C2orf76: variants seen among roughly 807,000 people sequenced by gnomAD.
C2orf76 encodes UPF0538 protein C2orf76.
In C2orf76, 23 loss-of-function variants were observed where a neutral mutation model predicts 16.9. The observed-to-expected ratio is 1.36, with a 90% CI of 0.98 to 1.93. C2orf76 has a LOEUF of 1.93. Ranked by LOEUF, C2orf76 falls within the 30% of genes most tolerant of loss-of-function variation. C2orf76 has a pLI of 0.00. For synonymous variants in C2orf76, 48 were observed against 52.3 expected (o/e 0.92, Z 0.35); for missense variants, 152 against 152.6 (o/e 1.00, Z 0.02).
chr2:119,366,461 G>C (rs768953543), intron 1 of C2orf76: 10 of 471,698 alleles, frequency 2.1e-5, no homozygotes, highest in Non-Finnish European at 4.0e-5. Flanking sequence ...AGAAGCCTCG[G>C]CTTCGCCTTT....
chr2:119,312,193 G>C (rs1056437900), intron 4 of C2orf76, among the ~76,000 whole-genome samples: 3 of 152,188 alleles, frequency 2.0e-5, no homozygotes, highest in African/African-American at 7.2e-5. Context: ...CAGCGACAGA[G>C]CTGAGCTTCC....
chr2:119,281,133 A>G, the C2orf76 span, among the ~76,000 whole-genome samples: 1 of 152,050 alleles, frequency 6.6e-6, no homozygotes, highest in Non-Finnish European at 1.5e-5. Flanking sequence ...TTTTAACTTA[A>G]TTTTATTTTT....
At chr2:119,356,374 G>A (rs1680569579) in intron 1 of C2orf76, among the ~76,000 whole-genome samples, 1 of 148,002 alleles carries the variant, frequency 6.8e-6, no homozygotes, top group Non-Finnish European at 1.5e-5. Context: ...TCCAGCCTGG[G>A]TGACAGAGCG....
At chr2:119,312,855 G>A (rs1001557556) in intron 4 of C2orf76, among the ~76,000 whole-genome samples, 6 of 151,672 alleles carry the variant, frequency 4.0e-5, no homozygotes, top group African/African-American at 9.7e-5. Context: ...GTAAAACCCC[G>A]TCTCTATTAA....
chr2:119,290,454 A>G, the C2orf76 span, among the ~76,000 whole-genome samples: 1 of 152,132 alleles, frequency 6.6e-6, no homozygotes, highest in East Asian at 1.9e-4. Flanking sequence ...GGTATAAAAG[A>G]AAAAGAAGGA....
intron 4 of C2orf76, among the ~76,000 whole-genome samples, chr2:119,316,503 C>T (rs1249037973): frequency 6.6e-6 from 1 of 152,142 alleles, no homozygotes; most frequent in African/African-American, 2.4e-5. Flanking sequence ...TTTTAAATAA[C>T]ATAAATTTTA....
At chr2:119,290,330 C>T in the C2orf76 span, among the ~76,000 whole-genome samples, 2 of 152,006 alleles carry the variant, frequency 1.3e-5, no homozygotes, top group Admixed American at 1.3e-4. Flanking sequence ...AACCGGCTCA[C>T]GACCTTTCAA....
chr2:119,357,577 A>G (rs1558798690), intron 1 of C2orf76, among the ~76,000 whole-genome samples: 2 of 150,246 alleles, frequency 1.3e-5, no homozygotes, highest in South Asian at 4.2e-4. Context: ...TTTGATAAAG[A>G]GCATCTACAA....
intron 2 of C2orf76, among the ~76,000 whole-genome samples, chr2:119,332,694 C>T (rs909915979): frequency 1.3e-5 from 2 of 152,160 alleles, no homozygotes; most frequent in Non-Finnish European, 2.9e-5. Context: ...GTTTTACTCT[C>T]GTTCCAAAGA....
At chr2:119,359,676 T>G (rs1182178608) in intron 1 of C2orf76, among the ~76,000 whole-genome samples, 1 of 152,174 alleles carries the variant, frequency 6.6e-6, no homozygotes, top group African/African-American at 2.4e-5. Flanking sequence ...GAACTAGAAG[T>G]GAAGCCTTAA....
At chr2:119,314,018 T>G (rs1175983618) in intron 4 of C2orf76, among the ~76,000 whole-genome samples, 2 of 147,796 alleles carry the variant, frequency 1.4e-5, no homozygotes, top group South Asian at 2.2e-4. Context: ...TCAGTGGTTT[T>G]TTTTTTTTTT....
At chr2:119,302,155 A>T, downstream of C2orf76, 1 of 177,266 alleles carries the variant, frequency 5.6e-6, no homozygotes, top group Non-Finnish European at 1.2e-5. Flanking sequence ...AAGGAGCTCT[A>T]CATGCAAGTC....
intron 1 of C2orf76, among the ~76,000 whole-genome samples, chr2:119,341,665 A>G (rs926328275): frequency 6.6e-6 from 1 of 152,220 alleles, no homozygotes; most frequent in African/African-American, 2.4e-5. Flanking sequence ...AGTAGCACCT[A>G]CTTTGTGCTA....
intron 2 of C2orf76, among the ~76,000 whole-genome samples, chr2:119,332,630 T>C (rs986257702): frequency 3.3e-5 from 5 of 152,212 alleles, no homozygotes; most frequent in Non-Finnish European, 5.9e-5. Context: ...CCACTGTTAC[T>C]CCCTTCCTAG....
intron 1 of C2orf76, among the ~76,000 whole-genome samples, chr2:119,349,090 G>A (rs781512601): frequency 6.6e-6 from 1 of 152,262 alleles, no homozygotes; most frequent in Non-Finnish European, 1.5e-5. Context: ...ATGGAGAGAT[G>A]TCCAGAAAAG....
At chr2:119,346,885 G>A (rs1680219689) in intron 1 of C2orf76, among the ~76,000 whole-genome samples, 1 of 152,168 alleles carries the variant, frequency 6.6e-6, no homozygotes, top group Admixed American at 6.5e-5. Flanking sequence ...TGTAAAATTG[G>A]ACTATACTCA....
At position 119,305,988 on chromosome 2, in the gene C2orf76, G is replaced by C. The variant is rs988270479; in HGVS notation, c.305-3440C>G. ...AAAACCTCGGTCTTTGATAGACTGG[G>C]TACATGCCTGTAATTTCCACCATGG... On this transcript the variant is annotated intron_variant, in intron 5 of 5. Coordinates refer to ENST00000334816, the MANE Select transcript of C2orf76 (RefSeq NM_001322331.2). Among the ~76,000 whole-genome samples the C allele has an allele frequency of 3.3e-5, 5 of 151,794 alleles. No homozygotes were observed. The East Asian group carries it at 9.7e-4, about 29-fold the overall frequency.
chr2:119,296,803 AAGG>A, the C2orf76 span, among the ~76,000 whole-genome samples: 1 of 152,228 alleles, frequency 6.6e-6, no homozygotes, highest in Non-Finnish European at 1.5e-5. Flanking sequence ...GTTCTCTTCA[AAGG>A]AGAATAGAAA....
chr2:119,306,163 A>T (rs2104535026), intron 5 of C2orf76, among the ~76,000 whole-genome samples: 1 of 152,276 alleles, frequency 6.6e-6, no homozygotes, highest in South Asian at 2.1e-4. Context: ...CCACCATAAC[A>T]TACTGTCGAA....
Sources: allele counts gnomAD v4.1 joint callset (sites outside exome capture counted in the v4.1 genomes callset), GRCh38; gene constraint gnomAD v4.1.1; transcripts MANE v1.5; gene names NCBI Gene and HGNC (gene_info 2026-07-23, HGNC 2026-07-21).